The following EFCAB6 variants were observed in gnomAD, a reference collection of about 807,000 sequenced individuals.
The protein encoded by EFCAB6 is EF-hand calcium binding domain 6.
Under a neutral mutation model 169.8 loss-of-function variants are expected in EFCAB6, and 156 were observed. The ratio of observed to expected loss-of-function variants is 0.92; its 90% CI spans 0.81 to 1.05. The LOEUF (loss-of-function observed/expected upper bound fraction) is 1.05, where lower values mean the gene tolerates loss of function less well. EFCAB6 is among the 50% of genes least tolerant of loss of function. EFCAB6 has a pLI of 0.00. For missense variants in EFCAB6, 1,800 were observed against 1,829.1 expected (o/e 0.98, Z 0.29); for synonymous variants, 698 against 676.4 (o/e 1.03, Z -0.50).
At chr22:43,686,405 C>T (rs1012603770) in intron 11 of EFCAB6, among the ~76,000 whole-genome samples, 2 of 152,054 alleles carry the variant, frequency 1.3e-5, no homozygotes, top group Admixed American at 6.6e-5. Flanking sequence ...AGTAGCTTCC[C>T]CACCCTCAGT....
At chr22:43,769,405 T>TA (rs2061404774) in intron 4 of EFCAB6, among the ~76,000 whole-genome samples, 1 of 152,106 alleles carries the variant, frequency 6.6e-6, no homozygotes, top group African/African-American at 2.4e-5. Flanking sequence ...TTCAATTAGA[T>TA]AGTGGTGATG....
At chr22:43,689,608 C>A (rs923535100) in intron 10 of EFCAB6, among the ~76,000 whole-genome samples, 1 of 152,224 alleles carries the variant, frequency 6.6e-6, no homozygotes, top group Non-Finnish European at 1.5e-5. Flanking sequence ...AACACAGCTT[C>A]AAGCTCATGG....
At chr22:43,546,388 G>A (rs1038717196) in intron 27 of EFCAB6, among the ~76,000 whole-genome samples, 2 of 152,158 alleles carry the variant, frequency 1.3e-5, no homozygotes, top group African/African-American at 4.8e-5. Flanking sequence ...ATGTGGTTTC[G>A]TGGGTCCTAC....
At chr22:43,570,208 G>T (rs535372574) in intron 26 of EFCAB6, 1 of 152,116 alleles carries the variant, frequency 6.6e-6, no homozygotes, top group Non-Finnish European at 1.5e-5. Flanking sequence ...AGTGAGGAAA[G>T]ATCTCATTGG....
chr22:43,768,473 C>G (rs1431317211), intron 4 of EFCAB6, among the ~76,000 whole-genome samples: 1 of 152,188 alleles, frequency 6.6e-6, no homozygotes, highest in African/African-American at 2.4e-5. Context: ...ATGGATTCAT[C>G]ATAGAACCAT....
At chr22:43,652,503 T>A (rs1233622485) in intron 17 of EFCAB6, among the ~76,000 whole-genome samples, 2 of 152,100 alleles carry the variant, frequency 1.3e-5, no homozygotes, top group Admixed American at 6.5e-5. Context: ...GTTAGAGCTT[T>A]TGAAGTTTTA....
intron 10 of EFCAB6, among the ~76,000 whole-genome samples, chr22:43,693,227 A>G (rs1188611380): frequency 6.6e-6 from 1 of 152,080 alleles, no homozygotes; most frequent in Non-Finnish European, 1.5e-5. Flanking sequence ...GGATAGGCTG[A>G]AAGTAAAAGG....
rs752691879 is a variant in EFCAB6 at position 43,530,967 on chromosome 22, A to G, written c.4234-3T>C. 1.2e-6 allele frequency: 2 copies of G among 1,613,496 alleles called. No individual in the cohort carries two copies. Among genetic ancestry groups the G allele is most frequent in the Non-Finnish European group, 1.7e-6 (2 of 1,179,766 alleles). On this transcript the variant is annotated splice_region_variant and splice_polypyrimidine_tract_variant and intron_variant, in intron 30 of 31. Transcript: ENST00000262726. ...GGCGTCTCCGCGCCGGCTTCTTTCT[A>G]GACACAAGACAAGAAGGGGTGAGGA...
intron 27 of EFCAB6, among the ~76,000 whole-genome samples, chr22:43,546,592 C>A (rs775763976): frequency 1.3e-5 from 2 of 152,020 alleles, no homozygotes; most frequent in South Asian, 2.1e-4. Flanking sequence ...ATTTTCAGGC[C>A]GGGCGTGGTG....
intron 17 of EFCAB6, among the ~76,000 whole-genome samples, chr22:43,658,808 C>A (rs1170484902): frequency 1.3e-5 from 2 of 152,122 alleles, no homozygotes; most frequent in Admixed American, 1.3e-4. Context: ...ACCTCCAATA[C>A]AAAGCTGGTC....
At chr22:43,637,490 G>C (rs1005674332) in intron 17 of EFCAB6, among the ~76,000 whole-genome samples, 1 of 152,252 alleles carries the variant, frequency 6.6e-6, no homozygotes, top group Non-Finnish European at 1.5e-5. Flanking sequence ...GGTCCAATCA[G>C]TCAGGCCTGG....
intron 9 of EFCAB6, 28 bp from the exon 10 acceptor site, chr22:43,711,651 C>T (rs781258280): frequency 6.4e-6 from 10 of 1,566,438 alleles, no homozygotes; most frequent in Admixed American, 2.3e-5. Context: ...TAGAGTGTGG[C>T]GTTCATAAAT....
chr22:43,762,061 A>G (rs1012063440), intron 5 of EFCAB6, among the ~76,000 whole-genome samples: 1 of 152,238 alleles, frequency 6.6e-6, no homozygotes, highest in Non-Finnish European at 1.5e-5. Flanking sequence ...ACAGAAGGGC[A>G]CACCCCGTCC....
Position 43,683,947 on chromosome 22 carries a change from T to C in EFCAB6, c.1143-92A>G, listed in dbSNP as rs1013207001. 7 of 922,246 alleles carry C rather than the reference T, an allele frequency of 7.6e-6. No homozygotes were observed. In the East Asian group the frequency reaches 1.2e-4, roughly 16 times the overall value. 57.1% of individuals were successfully genotyped at this position (922,246 alleles called of 1,614,324 possible). ...CAAGAAACAAGCACCCTCACCACAA[T>C]ACAGTAGAGCTTTCTCTGTGCGTGG... On this transcript the variant is annotated intron_variant, in intron 11 of 31. Transcript: ENST00000262726.
At chr22:43,801,312 C>T (rs1340829287) in intron 2 of EFCAB6, among the ~76,000 whole-genome samples, 3 of 152,086 alleles carry the variant, frequency 2.0e-5, no homozygotes, top group South Asian at 4.1e-4. Context: ...ACCACCAGAC[C>T]TGTCTTACAA....
rs1159473130 is a variant in EFCAB6 at position 43,687,481 on chromosome 22, T to A, written c.1132A>T (p.Lys378Ter). The A allele has an allele frequency of 6.5e-7, 1 of 1,549,884 alleles. No homozygotes were observed. The highest frequency in any genetic ancestry group is 8.7e-7 in the Non-Finnish European group (1 of 1,152,296). Residue 378 changes from lysine to a stop codon, truncating the protein, a stop_gained, in exon 11 of 32, where the codon AAA becomes TAA. Transcript: ENST00000262726. LOFTEE classifies it high-confidence loss of function. ...TTTTTTTTTACATACCTATTTCTTT[T>A]TGTCAGGGGACCTTTACTGCTAACT... is the stretch of plus-strand genomic sequence containing the variant. ...LQVSSKGPLT[K>*]RNSINSRNES...
At chr22:43,731,393 G>GT (rs1437170110) in intron 8 of EFCAB6, among the ~76,000 whole-genome samples, 1 of 152,124 alleles carries the variant, frequency 6.6e-6, no homozygotes, top group Non-Finnish European at 1.5e-5. Flanking sequence ...GACAACCTGA[G>GT]TATTTTGGAA....
chr22:43,667,325 G>A, intron 16 of EFCAB6, 53 bp from the exon 17 acceptor site: 3 of 1,587,366 alleles, frequency 1.9e-6, no homozygotes, highest in Non-Finnish European at 2.6e-6. Flanking sequence ...CACGCAGGGT[G>A]CTTCCTCCAG....
chr22:43,657,690 T>C (rs1481430790), intron 17 of EFCAB6, among the ~76,000 whole-genome samples: 2 of 152,052 alleles, frequency 1.3e-5, no homozygotes, highest in East Asian at 3.9e-4. Flanking sequence ...TTCAAGAAAT[T>C]AGAAAAAGAA....
Sources: allele counts gnomAD v4.1 joint callset (sites outside exome capture counted in the v4.1 genomes callset), GRCh38; gene constraint gnomAD v4.1.1; transcripts MANE v1.5; gene names NCBI Gene and HGNC (gene_info 2026-07-23, HGNC 2026-07-21).